EPB41L3: variants seen among roughly 807,000 people sequenced by gnomAD.
EPB41L3 encodes erythrocyte membrane protein band 4.1 like 3.
A neutral mutation model predicts 127.1 loss-of-function variants in EPB41L3; 57 were observed. That is an observed-to-expected ratio of 0.45 (90% CI 0.36 to 0.56). The LOEUF is 0.56. EPB41L3 is among the 20% of genes least tolerant of loss of function. The pLI, the probability that EPB41L3 is intolerant of heterozygous loss-of-function variation, is 0.00. For synonymous variants in EPB41L3, 572 were observed against 549.5 expected, an observed-to-expected ratio of 1.04 and a Z score of -0.57; for missense variants, 1,273 against 1,372.2, an observed-to-expected ratio of 0.93 and a Z score of 1.14.
chr18:5,483,973 C>T (rs1452148944), intron 2 of EPB41L3, among the ~76,000 whole-genome samples: 1 of 149,730 alleles, frequency 6.7e-6, no homozygotes, highest in Non-Finnish European at 1.5e-5. Context: ...ACAGGCCTAA[C>T]CAACATTTAC....
intron 6 of EPB41L3, among the ~76,000 whole-genome samples, chr18:5,435,727 T>C (rs2079676102): frequency 6.6e-6 from 1 of 152,196 alleles, no homozygotes; most frequent in African/African-American, 2.4e-5. Flanking sequence ...CAATTAGCCT[T>C]ATGGAAGTAT....
chr18:5,553,645 C>A (rs2093994758), intron 3 of EPB41L3, among the ~76,000 whole-genome samples: 1 of 152,216 alleles, frequency 6.6e-6, no homozygotes, highest in African/African-American at 2.4e-5. Context: ...ATCAGTAGAT[C>A]CCGCTGGCTC....
upstream of EPB41L3, chr18:5,544,358 A>G: frequency 1.0e-6 from 1 of 980,234 alleles, no homozygotes; most frequent in Non-Finnish European, 1.2e-6. Context: ...AAGGAGGGAG[A>G]GGGTGTTCCT....
chr18:5,556,707 A>G (rs1468659869), intron 3 of EPB41L3, among the ~76,000 whole-genome samples: 2 of 152,168 alleles, frequency 1.3e-5, no homozygotes, highest in Non-Finnish European at 1.5e-5. Context: ...TGGGGAACAG[A>G]GCAGGAAACA....
rs142122200 is a variant in EPB41L3 at position 5,419,742 on chromosome 18, G to T, written c.1475C>A (p.Thr492Lys). The T allele has an allele frequency of 7.4e-6, 12 of 1,614,072 alleles. No individual in the cohort carries two copies. The African/African-American group carries it at 1.1e-4, about 14-fold the overall frequency. The change falls in exon 12 of 23, where the codon ACG becomes AAG. Residue 492 changes from threonine (T) to lysine (K), a missense_variant. This residue lies in a region of EPB41L3 where 765 missense variants were observed against 782.9 expected (regional missense o/e 0.98). Transcript: ENST00000341928. ...CTCGTGCCGGATGGCCGAGATGGGC[G>T]TGACTTCTTCCCCCTTCCTCCGTTT... ...EDKRRKGEEV[T>K]PISAIRHEGK...
At chr18:5,436,403 C>CTTT (rs34862547) in intron 6 of EPB41L3, among the ~76,000 whole-genome samples, 490 of 100,622 alleles carry the variant, frequency 4.9e-3, no homozygotes, top group East Asian at 0.01. Context: ...CATTTTCTTT[C>CTTT]TTTTTTTTTT....
rs755477005 is a variant in EPB41L3, at chr18:5,416,196, C to A, written c.1689G>T (p.Arg563Ser). 1.4e-5 allele frequency: 22 copies of A among 1,614,164 alleles called. No homozygotes were observed. The highest frequency in any genetic ancestry group is 1.8e-5 in the Non-Finnish European group (21 of 1,180,026). The change falls in exon 13 of 23, where the codon AGG becomes AGT. Residue 563 changes from arginine to serine, a missense_variant. Physicochemically the swap from Arg to Ser is moderately radical, Grantham distance 110 (BLOSUM62 -1). Transcript: ENST00000341928. ...CCACATCTTGATCCCCTAGGTAAGG[C>A]CTCCCTGGGCCATCAGAGTCCAAGG... ...EPALDSDGPG[R>S]PYLGDQDVAF...
At chr18:5,446,372 T>A (rs1256898766) in intron 3 of EPB41L3, among the ~76,000 whole-genome samples, 1 of 152,228 alleles carries the variant, frequency 6.6e-6, no homozygotes, top group African/African-American at 2.4e-5. Flanking sequence ...CAGCTTAATT[T>A]ATTGTGACGT....
chr18:5,542,939 G>C (rs1033394090), intron 1 of EPB41L3, among the ~76,000 whole-genome samples: 1 of 152,120 alleles, frequency 6.6e-6, no homozygotes, highest in Non-Finnish European at 1.5e-5. Context: ...GGAAACACTC[G>C]CCAGGAACTG....
At chr18:5,450,949 A>C (rs1341359474) in intron 3 of EPB41L3, among the ~76,000 whole-genome samples, 4 of 152,176 alleles carry the variant, frequency 2.6e-5, no homozygotes, top group Non-Finnish European at 5.9e-5. Flanking sequence ...TTTTCCATAA[A>C]TGATACTTCA....
At position 5,543,279 on chromosome 18, in the gene EPB41L3, C is replaced by T. The variant is rs137969349; in HGVS notation, c.-12+634G>A. 3,913 of 150,812 alleles carry T rather than the reference C, an allele frequency of 0.026. 137 individuals carry two copies. The highest frequency in any genetic ancestry group is 0.079 in the African/African-American group (3,278 of 41,400). The allele number at this position is 150,812 out of a possible 1,614,324, so 9.3% of individuals were successfully genotyped here. A position where few individuals can be genotyped will look rare whatever the true frequency, so the allele number is the denominator to read the frequency against. On this transcript the variant is annotated intron_variant, in intron 1 of 22. Coordinates refer to ENST00000341928, the MANE Select transcript of EPB41L3 (RefSeq NM_012307.5). The surrounding 1 kb of genome is among the most constrained non-coding windows in gnomAD (Gnocchi z 5.2). ...AAGTTATATAAAAGCGGCCGGCCCC[C>T]CTGCCCAGCGGGGATGCTTTGTGCG... is the stretch of plus-strand genomic sequence containing the variant.
At chr18:5,613,278 A>G (rs1325393861) in intron 2 of EPB41L3, among the ~76,000 whole-genome samples, 1 of 152,230 alleles carries the variant, frequency 6.6e-6, no homozygotes, top group East Asian at 1.9e-4. Context: ...ATAGAGTTAC[A>G]GTAACAAAAA....
At chr18:5,488,558 TATA>T (rs377343121) in intron 2 of EPB41L3, among the ~76,000 whole-genome samples, 9 of 147,542 alleles carry the variant, frequency 6.1e-5, no homozygotes, top group Admixed American at 4.0e-4. Flanking sequence ...GAGCTTAAAG[TATA>T]ATAATAATGA....
intron 3 of EPB41L3, among the ~76,000 whole-genome samples, chr18:5,447,412 A>ATC: frequency 1.4e-5 from 2 of 144,546 alleles, no homozygotes; most frequent in South Asian, 4.5e-4. Flanking sequence ...TAGATATTAG[A>ATC]TGCCTGCTTA....
At chr18:5,515,700 A>C (rs1214000645) in intron 1 of EPB41L3, among the ~76,000 whole-genome samples, 1 of 152,248 alleles carries the variant, frequency 6.6e-6, no homozygotes, top group East Asian at 1.9e-4. Flanking sequence ...CGTGAAAGTG[A>C]AACACAGTTG....
rs565329171 is a variant in EPB41L3 at position 5,393,312 on chromosome 18, G to C, written c.*173C>G. The C allele has an allele frequency of 2.0e-6, 1 of 489,624 alleles. No individual in the cohort carries two copies. The highest frequency in any genetic ancestry group is 3.3e-5 in the East Asian group (1 of 30,506). The allele number at this position is 489,624 out of a possible 1,614,324, so 30.3% of individuals were successfully genotyped here. ...GCTGAATCAGATTGCTTTATTATGG[G>C]AAGATCTCTCTGCCAGTGTCTTTAT... is the stretch of plus-strand genomic sequence containing the variant. On this transcript the variant is annotated 3_prime_UTR_variant, in exon 23 of 23. Transcript: ENST00000341928.
chr18:5,567,047 C>T (rs2094216417), intron 3 of EPB41L3: 1 of 152,256 alleles, frequency 6.6e-6, no homozygotes, highest in South Asian at 2.1e-4. Flanking sequence ...ATCAAGTGAT[C>T]TGCTGGCCTT....
At chr18:5,416,590 C>T (rs1324244597) in intron 12 of EPB41L3, among the ~76,000 whole-genome samples, 1 of 152,172 alleles carries the variant, frequency 6.6e-6, no homozygotes, top group African/African-American at 2.4e-5. Context: ...GAGACTATCA[C>T]ATACAGGTGG....
chr18:5,462,672 C>T (rs78732451), intron 3 of EPB41L3, among the ~76,000 whole-genome samples: 8,863 of 152,180 alleles, frequency 0.058, 373 homozygotes, highest in East Asian at 0.23. Flanking sequence ...CCACTCCCTA[C>T]TTCAAAGGTT....
Sources: gnomAD v4.1 joint callset for allele counts (sites outside exome capture counted in the v4.1 genomes callset) on GRCh38, gnomAD v4.1.1 for gene constraint, gnomAD v4.1.1 regional missense constraint, Gnocchi (gnomAD v3.1) non-coding constraint, MANE v1.5 for transcripts, NCBI Gene and HGNC (gene_info 2026-07-23, HGNC 2026-07-21) for gene names.